Variants in POP4 observed in about 807,000 individuals in gnomAD.
The protein encoded by POP4 is POP4 ribonuclease P/MRP subunit, also known as ribonuclease P protein subunit p29.
Under a neutral mutation model 29.9 loss-of-function variants are expected in POP4, and 31 were observed. The observed-to-expected ratio is 1.04, with a 90% CI of 0.78 to 1.40. The LOEUF is 1.40. POP4 is among the 40% of genes most tolerant of loss of function. The pLI, the probability that POP4 is intolerant of heterozygous loss-of-function variation, is 0.00. For missense variants in POP4, 286 were observed against 282.7 expected (o/e 1.01, Z -0.08); for synonymous variants, 110 against 108.2 (o/e 1.02, Z -0.10).
chr19:29,613,749 C>T, intron 5 of POP4, 122 bp from the exon 6 acceptor site: 1 of 1,455,630 alleles, frequency 6.9e-7, no homozygotes, highest in Non-Finnish European at 9.1e-7. Flanking sequence ...CCTGGGTGCT[C>T]TGTTCTTTCA....
At chr19:29,611,773 T>G in intron 3 of POP4, 89 bp from the exon 4 acceptor site, 1 of 1,084,514 alleles carries the variant, frequency 9.2e-7, no homozygotes, top group South Asian at 1.3e-5. Flanking sequence ...TTGCAGTTGT[T>G]GGCATCAAGT....
chr19:29,609,829 G>A (rs576006061), intron 2 of POP4, among the ~76,000 whole-genome samples: 14 of 152,152 alleles, frequency 9.2e-5, no homozygotes, highest in Non-Finnish European at 1.2e-4. Context: ...CTGCGGGGCG[G>A]GAGCGGACCT....
At chr19:29,611,131 G>A (rs915179981) in intron 3 of POP4, 3 of 160,564 alleles carry the variant, frequency 1.9e-5, no homozygotes, top group African/African-American at 7.2e-5. Context: ...CTGAGTGTGG[G>A]TGTCTTGGGG....
At chr19:29,614,498 C>A (rs1451630228) in intron 6 of POP4, among the ~76,000 whole-genome samples, 1 of 131,672 alleles carries the variant, frequency 7.6e-6, no homozygotes, top group Non-Finnish European at 1.5e-5. Context: ...GGTTTTGTTC[C>A]TTTAATTTTT....
At position 29,613,906 on chromosome 19, in the gene POP4, A is replaced by G. The variant is rs1971101276; in HGVS notation, c.460A>G (p.Thr154Ala). The change falls in exon 6 of 7, where the codon ACA becomes GCA. Residue 154 changes from threonine to alanine, a missense_variant. Physicochemically the swap from Thr to Ala is moderately conservative, Grantham distance 58. Transcript: ENST00000585603. ...CAAATGCCCCTCTTATGTGGGTATT[A>G]CAGGAATCCTTCTACAGGAAACAAA... The part of the protein sequence containing the change: ...KSKCPSYVGI[T>A]GILLQETKHI... 1.2e-6 allele frequency: 2 copies of G among 1,613,884 alleles called. No individual in the cohort carries two copies. Among genetic ancestry groups the G allele is most frequent in the Non-Finnish European group, 1.7e-6 (2 of 1,179,948 alleles).
chr19:29,606,953 C>A (rs1377039242), intron 1 of POP4, among the ~76,000 whole-genome samples: 1 of 152,156 alleles, frequency 6.6e-6, no homozygotes, highest in Non-Finnish European at 1.5e-5. Context: ...AATGGATGTT[C>A]AGTAATTGTT....
chr19:29,607,220 G>T (rs1174641758), intron 1 of POP4, among the ~76,000 whole-genome samples: 1 of 151,732 alleles, frequency 6.6e-6, no homozygotes, highest in African/African-American at 2.4e-5. Flanking sequence ...GATCACTTGA[G>T]GCCAAGAGTT....
At position 29,612,251 on chromosome 19, in the gene POP4, G is replaced by A. The variant is rs12608816; in HGVS notation, c.424+73G>A. Reference sequence around the variant, plus strand: ...CTGTCACTCTGTGGAGACCCAGGGCGTGTGTTCTGTTGGACACACTCTTTA... The same window carrying A: ...CTGTCACTCTGTGGAGACCCAGGGCATGTGTTCTGTTGGACACACTCTTTA... On this transcript the variant is annotated intron_variant, in intron 5 of 6. Coordinates refer to ENST00000585603, the MANE Select transcript of POP4 (RefSeq NM_006627.3). 10,960 of 1,379,150 alleles carry A rather than the reference G, an allele frequency of 7.9e-3. 717 individuals are homozygous for A. The East Asian group carries it at 0.15, about 19-fold the overall frequency. 85.4% of individuals were successfully genotyped at this position (1,379,150 alleles called of 1,614,324 possible).
intron 2 of POP4, chr19:29,609,229 G>A (rs1403649271): frequency 6.5e-6 from 1 of 153,202 alleles, no homozygotes; most frequent in Non-Finnish European, 1.5e-5. Context: ...AGGTATTTAA[G>A]AGAATCAGAT....
intron 6 of POP4, 86 bp downstream of exon 6, chr19:29,614,058 G>C (rs1317672489): frequency 5.9e-6 from 9 of 1,525,422 alleles, no homozygotes; most frequent in Admixed American, 2.3e-5. Context: ...CCAAGAGTTT[G>C]ATTTGACCCC....
chr19:29,609,317 G>A (rs1971038605), intron 2 of POP4: 2 of 152,482 alleles, frequency 1.3e-5, no homozygotes, highest in African/African-American at 2.4e-5. Flanking sequence ...CTGAAGCAGA[G>A]TTCCCACCAT....
At chr19:29,608,257 C>CT (rs1971024165) in intron 1 of POP4, among the ~76,000 whole-genome samples, 6 of 115,532 alleles carry the variant, frequency 5.2e-5, no homozygotes, top group African/African-American at 2.1e-4. Flanking sequence ...CTTTTCTTTT[C>CT]TTTTCTTTTT....
intron 3 of POP4, chr19:29,610,919 A>G: frequency 2.2e-6 from 1 of 453,308 alleles, no homozygotes; most frequent in Non-Finnish European, 4.0e-6. Flanking sequence ...TTTGTTAGAC[A>G]GAAAAGAGGA....
At chr19:29,607,446 T>TCAAAACAAA (rs1371377951) in intron 1 of POP4, among the ~76,000 whole-genome samples, 1 of 121,402 alleles carries the variant, frequency 8.2e-6, no homozygotes, top group Non-Finnish European at 1.7e-5. Flanking sequence ...AAACCCAGTA[T>TCAAAACAAA]CAAAACAAAC....
intron 5 of POP4, 135 bp from the exon 6 acceptor site, chr19:29,613,736 C>T (rs1971098243): frequency 1.5e-6 from 2 of 1,364,812 alleles, no homozygotes; most frequent in Middle Eastern, 2.5e-4. Context: ...TGAGCCCCCA[C>T]CCCCTGGGTG....
At chr19:29,614,366 C>T (rs1971107355) in intron 6 of POP4, among the ~76,000 whole-genome samples, 1 of 152,222 alleles carries the variant, frequency 6.6e-6, no homozygotes, top group South Asian at 2.1e-4. Context: ...GAGCTGTGTC[C>T]TTGGCGATAA....
intron 3 of POP4, chr19:29,611,479 C>G (rs978173): frequency 2.3e-5 from 5 of 220,866 alleles, no homozygotes; most frequent in East Asian, 2.9e-4. Flanking sequence ...TCCAGACCAG[C>G]CTGCTGCCTC....
intron 6 of POP4, among the ~76,000 whole-genome samples, chr19:29,614,994 T>C (rs1971113843): frequency 6.6e-6 from 1 of 152,198 alleles, no homozygotes; most frequent in Admixed American, 6.5e-5. Flanking sequence ...TTTCTGGTTC[T>C]GGGAATTTGG....
In POP4 at chr19:29,606,331, C is replaced by T. The variant is rs552568458; in HGVS notation, c.7+6C>T. Reference sequence around the variant, plus strand: ...AAGCGGTCCGAGAATGAAGAGTAAGCGGGGCCGCGAAGTTGGAGAGGGTTG... The same window carrying T: ...AAGCGGTCCGAGAATGAAGAGTAAGTGGGGCCGCGAAGTTGGAGAGGGTTG... On this transcript the variant is annotated splice_donor_region_variant and intron_variant, in intron 1 of 6. Transcript: ENST00000585603. The T allele has an allele frequency of 1.4e-5, 23 of 1,604,944 alleles. No homozygotes were observed. Among genetic ancestry groups the T allele is most frequent in the Non-Finnish European group, 1.6e-5 (19 of 1,176,110 alleles).
Sources: gnomAD v4.1 joint callset for allele counts (sites outside exome capture counted in the v4.1 genomes callset) on GRCh38, gnomAD v4.1.1 for gene constraint, MANE v1.5 for transcripts, NCBI Gene and HGNC (gene_info 2026-07-23, HGNC 2026-07-21) for gene names.